NEMP2: variants seen among roughly 807,000 people sequenced by gnomAD.
NEMP2 encodes the protein nuclear envelope integral membrane protein 2.
A neutral mutation model predicts 54.2 loss-of-function variants in NEMP2; 53 were observed. The observed-to-expected ratio is 0.98, with a 90% CI of 0.78 to 1.23. The LOEUF (loss-of-function observed/expected upper bound fraction) is 1.23. Among genes scored for constraint, NEMP2 ranks in the 50% most tolerant of loss-of-function variants. The pLI is 0.00. For missense variants in NEMP2, 455 were observed against 511.3 expected (o/e 0.89, Z 1.06); for synonymous variants, 197 against 190.3 (o/e 1.04, Z -0.29).
At chr2:190,437,652 A>G in the NEMP2 span, 1 of 1,432,520 alleles carries the variant, frequency 7.0e-7, no homozygotes, top group Non-Finnish European at 9.4e-7. The surrounding 1 kb of genome is among the most constrained non-coding windows in gnomAD (Gnocchi z 5.9). Flanking sequence ...TTAAGGTATT[A>G]TAATTTGTGT....
chr2:190,567,131 C>T, the NEMP2 span, among the ~76,000 whole-genome samples: 1,857 of 151,744 alleles, frequency 0.012, 20 homozygotes, highest in Middle Eastern at 0.024. The surrounding 1 kb of genome is among the most constrained non-coding windows in gnomAD (Gnocchi z 4.0). Flanking sequence ...AAGCAGAATG[C>T]GATGATAAAA....
chr2:190,562,153 T>G, the NEMP2 span, among the ~76,000 whole-genome samples: 1 of 152,182 alleles, frequency 6.6e-6, no homozygotes, highest in East Asian at 1.9e-4. The surrounding 1 kb of genome is among the most constrained non-coding windows in gnomAD (Gnocchi z 5.0). Context: ...CTTTGGGTAG[T>G]CGACCAAGAA....
chr2:190,597,596 T>C, the NEMP2 span, among the ~76,000 whole-genome samples: 118 of 152,314 alleles, frequency 7.7e-4, no homozygotes, highest in Non-Finnish European at 1.8e-4. This position sits in a 1 kb window ranked among gnomAD's most constrained non-coding sequence, Gnocchi z 4.7. Context: ...AATGTTAAAA[T>C]GTACAGTAAA....
chr2:190,636,879 T>C, the NEMP2 span, among the ~76,000 whole-genome samples: 1 of 152,246 alleles, frequency 6.6e-6, no homozygotes, highest in African/African-American at 2.4e-5. Context: ...CTCAACTTCT[T>C]CCTCCCCCTT....
chr2:190,570,330 T>C, the NEMP2 span, among the ~76,000 whole-genome samples: 2 of 152,206 alleles, frequency 1.3e-5, no homozygotes, highest in Non-Finnish European at 2.9e-5. The surrounding 1 kb of genome is among the most constrained non-coding windows in gnomAD (Gnocchi z 5.4). Flanking sequence ...ATGAATGAGT[T>C]TGAATAAAGT....
the NEMP2 span, among the ~76,000 whole-genome samples, chr2:190,439,570 A>G: frequency 6.6e-6 from 1 of 151,926 alleles, no homozygotes; most frequent in Non-Finnish European, 1.5e-5. The surrounding 1 kb of genome is among the most constrained non-coding windows in gnomAD (Gnocchi z 5.8). Context: ...TGGGTTTACT[A>G]CTCCTTTGGT....
rs1373355537 is a variant in NEMP2 at position 190,525,157 on chromosome 2, C to T, written c.213+106G>A. 15 of 648,298 alleles carry T rather than the reference C, an allele frequency of 2.3e-5. No homozygotes were observed. The East Asian group carries it at 4.2e-4, about 18-fold the overall frequency. The allele number at this position is 648,298 out of a possible 1,614,324, so 40.2% of individuals were successfully genotyped here. The stretch of plus-strand genomic sequence containing the variant: ...TCAGCTTTCATAGTGATACACAGAT[C>T]TGTGTCATACCAAAAATACTTTCTA... On this transcript the variant is annotated intron_variant, in intron 2 of 8. Transcript: ENST00000409150. This position sits in a 1 kb window ranked among gnomAD's most constrained non-coding sequence, Gnocchi z 5.0.
chr2:190,525,386 ATGGAAAAG>A lies in NEMP2; in HGVS notation c.98-16_98-9del. ...AAGCTTTACACCTACGAACTGAGAG[ATGGAAAAG>A]GGAATGCATTTTCTAACTGTTTAAT... On this transcript the variant is annotated splice_polypyrimidine_tract_variant and intron_variant, in intron 1 of 8. Transcript: ENST00000409150. This position sits in a 1 kb window ranked among gnomAD's most constrained non-coding sequence, Gnocchi z 5.0. 1.4e-6 allele frequency: 2 copies of A among 1,468,640 alleles called. No individual in the cohort carries two copies. Among genetic ancestry groups the A allele is most frequent in the Non-Finnish European group, 1.9e-6 (2 of 1,076,754 alleles). 91.0% of individuals were successfully genotyped at this position (1,468,640 alleles called of 1,614,324 possible).
At chr2:190,490,883 T>A in the NEMP2 span, among the ~76,000 whole-genome samples, 1 of 152,218 alleles carries the variant, frequency 6.6e-6, no homozygotes, top group Non-Finnish European at 1.5e-5. This position sits in a 1 kb window ranked among gnomAD's most constrained non-coding sequence, Gnocchi z 4.5. Context: ...CAGAGACAGA[T>A]TTTAATCTCA....
rs1690493477 is a variant in NEMP2, at chr2:190,514,767, A to T, written c.728-89T>A. On this transcript the variant is annotated intron_variant, in intron 6 of 8. Transcript: ENST00000409150. This position sits in a 1 kb window ranked among gnomAD's most constrained non-coding sequence, Gnocchi z 5.7. Reference sequence around the variant, plus strand: ...GCAGAGCCTTGACTTAAAGGTAAAAACTATTAGAGAACCTTAATTTTTGTG... The same window carrying T: ...GCAGAGCCTTGACTTAAAGGTAAAATCTATTAGAGAACCTTAATTTTTGTG... The T allele has an allele frequency of 8.1e-7, 1 of 1,239,984 alleles. No homozygotes were observed. Among genetic ancestry groups the T allele is most frequent in the African/African-American group, 1.5e-5 (1 of 65,836 alleles). 76.8% of individuals were successfully genotyped at this position (1,239,984 alleles called of 1,614,324 possible).
chr2:190,559,862 A>G, the NEMP2 span, among the ~76,000 whole-genome samples: 1 of 152,132 alleles, frequency 6.6e-6, no homozygotes, highest in South Asian at 2.1e-4. This position sits in a 1 kb window ranked among gnomAD's most constrained non-coding sequence, Gnocchi z 4.0. Flanking sequence ...GCACCCGGGA[A>G]ATCTGTCAGC....
chr2:190,511,808 C>T (rs544253639), intron 7 of NEMP2, among the ~76,000 whole-genome samples: 1 of 151,468 alleles, frequency 6.6e-6, no homozygotes, highest in South Asian at 2.1e-4. Flanking sequence ...TCCACCTCAG[C>T]CTCCCAAACT....
At chr2:190,450,488 C>CTTTTT in the NEMP2 span, among the ~76,000 whole-genome samples, 2,671 of 97,210 alleles carry the variant, frequency 0.027, 130 homozygotes, top group Non-Finnish European at 0.034. Context: ...TCTCTTTTTC[C>CTTTTT]TTTTTTTTTT....
chr2:190,484,630 T>C, the NEMP2 span, among the ~76,000 whole-genome samples: 2 of 152,180 alleles, frequency 1.3e-5, 1 homozygote, highest in Non-Finnish European at 2.9e-5. Context: ...TTCAGATTAT[T>C]AAGATTACTA....
At position 190,517,503 on chromosome 2, in the gene NEMP2, T is replaced by A. The variant is rs1439979449; in HGVS notation, c.612+17A>T. The A allele has an allele frequency of 6.6e-7, 1 of 1,518,878 alleles. No homozygotes were observed. The highest frequency in any genetic ancestry group is 1.4e-5 in the African/African-American group (1 of 71,766). 94.1% of individuals were successfully genotyped at this position (1,518,878 alleles called of 1,614,324 possible). A position where few individuals can be genotyped will look rare whatever the true frequency, so the allele number is the denominator to read the frequency against. On this transcript the variant is annotated intron_variant, in intron 5 of 8. Coordinates refer to ENST00000409150, the MANE Select transcript of NEMP2 (RefSeq NM_001142645.2). ...CATGATTTCCATTTTTTACTCATTTTCACATAGTATGCCTACCTTCGGAAT... is the reference window on the plus strand; with the variant it reads ...CATGATTTCCATTTTTTACTCATTTACACATAGTATGCCTACCTTCGGAAT...
At position 190,510,479 on chromosome 2, in the gene NEMP2, C is replaced by T; in HGVS notation, c.1012G>A (p.Glu338Lys). 2 of 1,551,870 alleles carry T rather than the reference C, an allele frequency of 1.3e-6. No homozygotes were observed. The highest frequency in any genetic ancestry group is 1.7e-6 in the Non-Finnish European group (2 of 1,147,048). The change falls in exon 8 of 9, where the codon GAG (glutamate) becomes AAG (lysine). Residue 338 changes from glutamate to lysine, a missense_variant. Transcript: ENST00000409150. The surrounding 1 kb of genome is among the most constrained non-coding windows in gnomAD (Gnocchi z 5.7). ...TCAGCATCAGCTTGCTCCCTGTACT[C>T]GTCTTCCGTAAGATATTTCACCACC... The part of the protein sequence containing the change: ...ELVVKYLTED[E>K]YREQADAETN...
the NEMP2 span, among the ~76,000 whole-genome samples, chr2:190,433,113 T>G: frequency 2.0e-5 from 3 of 152,176 alleles, no homozygotes; most frequent in Non-Finnish European, 4.4e-5. This position sits in a 1 kb window ranked among gnomAD's most constrained non-coding sequence, Gnocchi z 4.5. Flanking sequence ...ACTTTTACAG[T>G]GTGTGTGTAT....
chr2:190,546,487 G>A, the NEMP2 span, among the ~76,000 whole-genome samples: 1 of 152,134 alleles, frequency 6.6e-6, no homozygotes, highest in Non-Finnish European at 1.5e-5. The surrounding 1 kb of genome is among the most constrained non-coding windows in gnomAD (Gnocchi z 5.1). Flanking sequence ...GTCTCCCACA[G>A]ATACTGAGGG....
the NEMP2 span, among the ~76,000 whole-genome samples, chr2:190,449,927 A>C: frequency 6.6e-6 from 1 of 152,116 alleles, no homozygotes; most frequent in African/African-American, 2.4e-5. Flanking sequence ...TGACGAGTTA[A>C]TGGGTGCAGC....
Sources: gnomAD v4.1 joint callset for allele counts (sites outside exome capture counted in the v4.1 genomes callset) on GRCh38, gnomAD v4.1.1 for gene constraint, Gnocchi (gnomAD v3.1) non-coding constraint, MANE v1.5 for transcripts, NCBI Gene and HGNC (gene_info 2026-07-23, HGNC 2026-07-21) for gene names.